Variants in KLKB1 observed in about 807,000 individuals in gnomAD.
KLKB1 encodes the protein plasma kallikrein.
A neutral mutation model predicts 73.6 loss-of-function variants in KLKB1; 58 were observed. The ratio of observed to expected loss-of-function variants is 0.79; its 90% confidence interval spans 0.64 to 0.98. The LOEUF (loss-of-function observed/expected upper bound fraction) is 0.98, where lower values mean the gene tolerates loss of function less well. Among genes scored for constraint, KLKB1 ranks in the 50% least tolerant of loss-of-function variants. The pLI is 0.00. For missense variants in KLKB1, 737 were observed against 763.8 expected (o/e 0.96, Z 0.41); for synonymous variants, 280 against 258.1 (o/e 1.08, Z -0.81).
chr4:186,225,956 A>G (rs1317703087), upstream of KLKB1, among the ~76,000 whole-genome samples: 3 of 151,416 alleles, frequency 2.0e-5, no homozygotes, highest in East Asian at 3.9e-4. Context: ...AATTTTTATC[A>G]TTCCTTTTAT....
intron 6 of KLKB1, 45 bp downstream of exon 6, chr4:186,238,410 AGGAG>A: frequency 7.6e-7 from 1 of 1,319,356 alleles, no homozygotes; most frequent in Non-Finnish European, 1.1e-6. Context: ...TAGGTGGAAT[AGGAG>A]CCCCCAGAGA....
chr4:186,238,125 G>T (rs1167724624), intron 5 of KLKB1, 131 bp from the exon 6 acceptor site: 10 of 712,272 alleles, frequency 1.4e-5, no homozygotes, highest in Non-Finnish European at 2.6e-5. Flanking sequence ...GGTTAATAAT[G>T]CAGACCCCTA....
upstream of KLKB1, among the ~76,000 whole-genome samples, chr4:186,225,059 C>T (rs927493005): frequency 2.0e-5 from 3 of 152,138 alleles, no homozygotes; most frequent in African/African-American, 7.2e-5. Flanking sequence ...CTCTGCCTTC[C>T]ATCGTGATTA....
At chr4:186,236,189 A>G (rs991678784) in intron 4 of KLKB1, among the ~76,000 whole-genome samples, 12 of 152,194 alleles carry the variant, frequency 7.9e-5, no homozygotes, top group African/African-American at 2.9e-4. Context: ...TTTTGCATGT[A>G]AGACAAATCT....
chr4:186,240,555 T>A (rs1026897736), intron 6 of KLKB1, among the ~76,000 whole-genome samples: 1 of 152,204 alleles, frequency 6.6e-6, no homozygotes, highest in East Asian at 1.9e-4. Flanking sequence ...TCATTTAGCA[T>A]GTCAGGATGT....
intron 4 of KLKB1, among the ~76,000 whole-genome samples, chr4:186,235,485 G>A (rs1161777949): frequency 6.6e-6 from 1 of 151,926 alleles, no homozygotes; most frequent in Non-Finnish European, 1.5e-5. Context: ...CTCTTAGCCT[G>A]TTCTTTTCTC....
chr4:186,252,446 A>AACCCGCC (rs1561465522), intron 11 of KLKB1, among the ~76,000 whole-genome samples: 2 of 151,956 alleles, frequency 1.3e-5, no homozygotes, highest in African/African-American at 2.4e-5. Flanking sequence ...CCACTCCTCC[A>AACCCGCC]ACCCACCACC....
upstream of KLKB1, among the ~76,000 whole-genome samples, chr4:186,223,505 C>T (rs559244508): frequency 3.3e-5 from 5 of 152,308 alleles, no homozygotes; most frequent in South Asian, 1.0e-3. Flanking sequence ...GCCATTCTTG[C>T]TATGCTTTAG....
intron 6 of KLKB1, among the ~76,000 whole-genome samples, chr4:186,240,085 T>C (rs911619014): frequency 6.6e-6 from 1 of 151,442 alleles, no homozygotes; most frequent in Non-Finnish European, 1.5e-5. Flanking sequence ...ACTAGTACAG[T>C]GATACTGTTA....
At position 186,234,040 on chromosome 4, in the gene KLKB1, T is replaced by G; in HGVS notation, c.310T>G (p.Cys104Gly). The G allele has an allele frequency of 6.2e-7, 1 of 1,613,246 alleles. No homozygotes were observed. The highest frequency in any genetic ancestry group is 8.5e-7 in the Non-Finnish European group (1 of 1,179,216). The change falls in exon 4 of 15, where the codon TGT (cysteine) becomes GGT (glycine). Residue 104 changes from cysteine to glycine, a missense_variant. Transcript: ENST00000264690. ...GAVSGHSLKQ[C>G]GHQISACHRD... Reference sequence around the variant, plus strand: ...AGTTTCTGGACATTCCTTGAAGCAATGTGGTCATCAAATAAGTGGTAAGTT... The same window carrying G: ...AGTTTCTGGACATTCCTTGAAGCAAGGTGGTCATCAAATAAGTGGTAAGTT...
At chr4:186,228,052 A>AG in intron 1 of KLKB1, 143 bp from the exon 2 acceptor site, 1 of 622,176 alleles carries the variant, frequency 1.6e-6, no homozygotes, top group Non-Finnish European at 2.9e-6. Context: ...GTACCAAAAA[A>AG]AAACCCTTGT....
At chr4:186,211,656 T>TACACACACACACACACAC (rs1282528893) in intron 2 of KLKB1, 4 of 61,796 alleles carry the variant, frequency 6.5e-5, no homozygotes, top group Admixed American at 3.8e-4. Flanking sequence ...GACTCAGGAA[T>TACACACACACACACACAC]ACACACATAC....
intron 6 of KLKB1, among the ~76,000 whole-genome samples, chr4:186,245,989 A>T (rs1479949485): frequency 6.6e-6 from 1 of 151,684 alleles, no homozygotes; most frequent in African/African-American, 2.4e-5. Flanking sequence ...AAGAGCCTAA[A>T]CGCTAACTGA....
At chr4:186,246,014 G>A (rs1738327236) in intron 6 of KLKB1, among the ~76,000 whole-genome samples, 1 of 151,686 alleles carries the variant, frequency 6.6e-6, no homozygotes, top group Non-Finnish European at 1.5e-5. Flanking sequence ...GGAGAGGTCG[G>A]ATAAATAAAA....
chr4:186,236,915 C>CA lies in KLKB1; in HGVS notation c.466dup (p.Thr156AsnfsTer29). 6.2e-7 allele frequency: 1 copy of CA among 1,614,062 alleles called. No homozygotes were observed. The highest frequency in any genetic ancestry group is 1.1e-5 in the South Asian group (1 of 91,066). On this transcript the variant is annotated frameshift_variant, in exon 5 of 15. Coordinates refer to ENST00000264690, the MANE Select transcript of KLKB1 (RefSeq NM_000892.5). LOFTEE classifies it high-confidence loss of function. The stretch of plus-strand genomic sequence containing the variant: ...CTGCCAGTTTTTTTCATATGCCACG[C>CA]AAACATTTCACAAGGCAGAGTACCG...
At position 186,258,354 on chromosome 4, in the gene KLKB1, T is replaced by A. The variant is rs1739132881; in HGVS notation, c.*142T>A. On this transcript the variant is annotated 3_prime_UTR_variant, in exon 15 of 15. Coordinates refer to ENST00000264690, the MANE Select transcript of KLKB1 (RefSeq NM_000892.5). ...AAAAACACAGTGCACTCAGAGCTGCTGAGGACAATGTCTGGCTGAAGCCCG... is the reference window on the plus strand; with the variant it reads ...AAAAACACAGTGCACTCAGAGCTGCAGAGGACAATGTCTGGCTGAAGCCCG... 5.0e-6 allele frequency: 4 copies of A among 795,308 alleles called. No homozygotes were observed. The Admixed American group carries it at 6.0e-5, about 12-fold the overall frequency. The allele number at this position is 795,308 out of a possible 1,614,324, so 49.3% of individuals were successfully genotyped here. A position where few individuals can be genotyped will look rare whatever the true frequency, so the allele number is the denominator to read the frequency against.
chr4:186,211,274 T>A (rs570402120), intron 2 of KLKB1: 2 of 152,366 alleles, frequency 1.3e-5, no homozygotes, highest in East Asian at 1.9e-4. Flanking sequence ...TCCACTTCAA[T>A]TGATAGACCC....
chr4:186,251,266 C>T lies in KLKB1; in HGVS notation c.806C>T (p.Ser269Phe). Reference protein sequence around the residue: ...KTSESGTPSSSTPQENTISGY... With the variant: ...KTSESGTPSSFTPQENTISGY... ...TCTGAAAGTGGCACACCAAGTTCCT[C>T]TACTCCTCAAGAAAACACCATATCT... The change falls in exon 8 of 15, where the codon TCT (serine) becomes TTT (phenylalanine). Residue 269 changes from serine to phenylalanine, a missense_variant. Physicochemically the swap from Ser to Phe is radical, Grantham distance 155. Transcript: ENST00000264690. The T allele has an allele frequency of 6.2e-7, 1 of 1,612,542 alleles. No homozygotes were observed. Among genetic ancestry groups the T allele is most frequent in the Middle Eastern group, 1.6e-4 (1 of 6,062 alleles).
chr4:186,256,997 CTCTG>C lies in KLKB1; in HGVS notation c.1586-227_1586-224del, dbSNP rs10579626. Among the ~76,000 whole-genome samples the C allele has an allele frequency of 0.61, 91,124 of 148,360 alleles. 28,135 individuals carry two copies. Among genetic ancestry groups the C allele is most frequent in the East Asian group, 0.83 (4,103 of 4,946 alleles). ...CCTCTTCCTCTCTCTGTCTCTCTCT[CTCTG>C]TGTGTGTGTGTGTGTGTGTGTGTAA... is the stretch of plus-strand genomic sequence containing the variant. On this transcript the variant is annotated intron_variant, in intron 13 of 14. Transcript: ENST00000264690.
Sources: gnomAD v4.1 joint callset for allele counts (sites outside exome capture counted in the v4.1 genomes callset) on GRCh38, gnomAD v4.1.1 for gene constraint, MANE v1.5 for transcripts, NCBI Gene and HGNC (gene_info 2026-07-23, HGNC 2026-07-21) for gene names.